SNCAIP: variants seen among roughly 807,000 people sequenced by gnomAD.
The protein encoded by SNCAIP is synuclein alpha interacting protein.
SNCAIP carries 43 observed loss-of-function variants against 86.7 expected under a neutral mutation model. That is an observed-to-expected ratio of 0.50 (90% CI 0.39 to 0.64). The LOEUF (loss-of-function observed/expected upper bound fraction) is 0.64, where lower values mean the gene tolerates loss of function less well. Among genes scored for constraint, SNCAIP ranks in the 30% least tolerant of loss-of-function variants. The pLI is 0.00. For missense variants in SNCAIP, 981 were observed against 1,103.1 expected (o/e 0.89, Z 1.57); for synonymous variants, 417 against 427.2 (o/e 0.98, Z 0.29).
chr5:122,436,838 C>T (rs1179569763), intron 6 of SNCAIP: 1 of 152,076 alleles, frequency 6.6e-6, no homozygotes, highest in Non-Finnish European at 1.5e-5. Context: ...CTTGCATTGC[C>T]CTTAGGAACA....
chr5:122,361,947 G>C (rs531742027), intron 1 of SNCAIP, among the ~76,000 whole-genome samples: 36 of 152,336 alleles, frequency 2.4e-4, no homozygotes, highest in Admixed American at 2.0e-3. Context: ...ACTCCTAGGG[G>C]ATAGATTCAG....
chr5:122,391,070 C>G lies in SNCAIP; in HGVS notation c.-46-19C>G. The G allele has an allele frequency of 7.2e-7, 1 of 1,389,984 alleles. No homozygotes were observed. Among genetic ancestry groups the G allele is most frequent in the African/African-American group, 1.4e-5 (1 of 70,314 alleles). 86.1% of individuals were successfully genotyped at this position (1,389,984 alleles called of 1,614,324 possible). A position where few individuals can be genotyped will look rare whatever the true frequency, so the allele number is the denominator to read the frequency against. ...GGCTAAATTTTTTTGCCTTTCTTTTCTGCTTCTGTCTCGTTCAGGAATTTA... is the reference window on the plus strand; with the variant it reads ...GGCTAAATTTTTTTGCCTTTCTTTTGTGCTTCTGTCTCGTTCAGGAATTTA... On this transcript the variant is annotated intron_variant, in intron 1 of 10. Transcript: ENST00000261368.
At chr5:122,446,920 T>A (rs1423566960) in intron 8 of SNCAIP, among the ~76,000 whole-genome samples, 1 of 152,214 alleles carries the variant, frequency 6.6e-6, no homozygotes, top group Non-Finnish European at 1.5e-5. Context: ...GAAGTGCTAA[T>A]CAACAAGCCT....
chr5:122,391,282 A>G, intron 2 of SNCAIP, 91 bp downstream of exon 2: 4 of 911,004 alleles, frequency 4.4e-6, no homozygotes, highest in South Asian at 1.3e-5. Flanking sequence ...TATATCCTCA[A>G]CTTTTCTGAC....
At chr5:122,368,145 G>A (rs1350522556) in intron 1 of SNCAIP, among the ~76,000 whole-genome samples, 1 of 152,152 alleles carries the variant, frequency 6.6e-6, no homozygotes, top group Non-Finnish European at 1.5e-5. Flanking sequence ...TATAGGCACT[G>A]TCCCCTTCAC....
chr5:122,371,657 G>A (rs1017559746), intron 1 of SNCAIP: 1 of 152,206 alleles, frequency 6.6e-6, no homozygotes, highest in Non-Finnish European at 1.5e-5. Context: ...AATCTGACGT[G>A]TGTGGAAAGG....
chr5:122,360,381 GTTTC>G (rs1333153707), intron 1 of SNCAIP, among the ~76,000 whole-genome samples: 6 of 152,180 alleles, frequency 3.9e-5, no homozygotes, highest in Non-Finnish European at 5.9e-5. Flanking sequence ...CTACATTTCA[GTTTC>G]TTTCTTGTGG....
intron 8 of SNCAIP, among the ~76,000 whole-genome samples, chr5:122,446,587 G>C (rs1782365746): frequency 6.6e-6 from 1 of 152,236 alleles, no homozygotes; most frequent in Non-Finnish European, 1.5e-5. Context: ...GCTGTGGACA[G>C]CTATAGTTGG....
At chr5:122,410,674 TTGGCTGGTGGTAG>T (rs1773931659) in intron 3 of SNCAIP, among the ~76,000 whole-genome samples, 1 of 151,962 alleles carries the variant, frequency 6.6e-6, no homozygotes, top group South Asian at 2.1e-4. Context: ...AACACAAAAA[TTGGCTGGTGGTAG>T]TGGCACACCT....
At chr5:122,346,900 A>G (rs956916001) in intron 1 of SNCAIP, among the ~76,000 whole-genome samples, 2 of 151,960 alleles carry the variant, frequency 1.3e-5, no homozygotes, top group African/African-American at 4.8e-5. Flanking sequence ...CTACTGACAT[A>G]TTTAAACTGT....
chr5:122,390,004 T>C (rs1029431390), intron 1 of SNCAIP: 7 of 152,196 alleles, frequency 4.6e-5, no homozygotes, highest in Admixed American at 1.3e-4. Flanking sequence ...AGTAGGTCTT[T>C]TTACACTTTC....
intron 1 of SNCAIP, among the ~76,000 whole-genome samples, chr5:122,372,226 T>G (rs555704382): frequency 6.6e-6 from 1 of 152,310 alleles, no homozygotes; most frequent in African/African-American, 2.4e-5. Context: ...CTAATCTGTA[T>G]TTTTTTGGTC....
At chr5:122,337,848 T>C (rs143668505) in intron 1 of SNCAIP, among the ~76,000 whole-genome samples, 64 of 152,354 alleles carry the variant, frequency 4.2e-4, no homozygotes, top group African/African-American at 1.5e-3. Context: ...CCTCCTCTGG[T>C]TTATTTTTGA....
At chr5:122,453,493 T>C (rs868417061) in intron 10 of SNCAIP, among the ~76,000 whole-genome samples, 40 of 152,352 alleles carry the variant, frequency 2.6e-4, no homozygotes, top group African/African-American at 9.6e-4. Context: ...GTTAGCATTA[T>C]GAACACGATT....
intron 6 of SNCAIP, among the ~76,000 whole-genome samples, chr5:122,433,183 T>A (rs1475328322): frequency 2.6e-5 from 4 of 151,982 alleles, no homozygotes. Context: ...GTTTTTTATA[T>A]GTTATATACA....
At chr5:122,420,438 C>T (rs1418473589) in intron 3 of SNCAIP, among the ~76,000 whole-genome samples, 3 of 152,060 alleles carry the variant, frequency 2.0e-5, no homozygotes, top group Admixed American at 6.6e-5. Flanking sequence ...TATTGACCTA[C>T]TAAGTTATGT....
chr5:122,464,063 GCTTGGGGCACCTACTTTCTAACAAAT>G lies in SNCAIP; in HGVS notation c.*570_*595del, dbSNP rs1368755463. On this transcript the variant is annotated 3_prime_UTR_variant, in exon 11 of 11. Coordinates refer to ENST00000261368, the MANE Select transcript of SNCAIP (RefSeq NM_005460.4). ...AAACAATGTTAACAGCCACCTATAAGCTTGGGGCACCTACTTTCTAACAAATCTGTGATGTTCTGATTTCTAAGGGA... is the reference window on the plus strand; with the variant it reads ...AAACAATGTTAACAGCCACCTATAAGCTGTGATGTTCTGATTTCTAAGGGA... 6.6e-6 allele frequency: 1 copy of G among 152,126 alleles called. No homozygotes were observed. The highest frequency in any genetic ancestry group is 2.4e-5 in the African/African-American group (1 of 41,422). 9.4% of individuals were successfully genotyped at this position (152,126 alleles called of 1,614,324 possible).
intron 2 of SNCAIP, among the ~76,000 whole-genome samples, chr5:122,400,413 A>T (rs1339533448): frequency 1.3e-5 from 2 of 152,250 alleles, no homozygotes; most frequent in African/African-American, 4.8e-5. Flanking sequence ...ATGCCCAGGG[A>T]TTAGTCAATA....
chr5:122,423,862 G>T lies in SNCAIP; in HGVS notation c.1002+123G>T, dbSNP rs1421015418. 2.3e-5 allele frequency: 20 copies of T among 854,234 alleles called. No individual in the cohort carries two copies. The South Asian group carries it at 3.3e-4, about 14-fold the overall frequency. The allele number at this position is 854,234 out of a possible 1,614,324, so 52.9% of individuals were successfully genotyped here. A position where few individuals can be genotyped will look rare whatever the true frequency, so the allele number is the denominator to read the frequency against. On this transcript the variant is annotated intron_variant, in intron 4 of 10. Transcript: ENST00000261368. ...GGTTTTTACTTAATCTTTACTTGTG[G>T]CTTTAGTTGGGAGATGTGACCTTTT...
Sources: allele counts gnomAD v4.1 joint callset (sites outside exome capture counted in the v4.1 genomes callset), GRCh38; gene constraint gnomAD v4.1.1; transcripts MANE v1.5; gene names NCBI Gene and HGNC (gene_info 2026-07-23, HGNC 2026-07-21).